Variants in ANTXR1 observed in about 807,000 individuals in gnomAD.
ANTXR1 encodes ANTXR cell adhesion molecule 1, also known as anthrax toxin receptor 1.
ANTXR1 carries 19 observed loss-of-function variants against 78.1 expected under a neutral mutation model. The observed-to-expected ratio is 0.24, with a 90% confidence interval of 0.17 to 0.36. The LOEUF (loss-of-function observed/expected upper bound fraction) is 0.36. Among genes scored for constraint, ANTXR1 ranks in the 10% least tolerant of loss-of-function variants. The pLI, the probability that ANTXR1 is intolerant of heterozygous loss-of-function variation, is 1.00. For missense variants in ANTXR1, 518 were observed against 718.6 expected (o/e 0.72, Z 3.19); for synonymous variants, 273 against 260.5 (o/e 1.05, Z -0.46).
chr2:69,049,368 T>A (rs941913480), intron 3 of ANTXR1, among the ~76,000 whole-genome samples: 18 of 152,168 alleles, frequency 1.2e-4, no homozygotes, highest in African/African-American at 3.6e-4. Flanking sequence ...TGGAGTGCAG[T>A]GGTGCGAACT....
At chr2:69,198,132 G>T (rs1296832294) in intron 17 of ANTXR1, among the ~76,000 whole-genome samples, 2 of 152,112 alleles carry the variant, frequency 1.3e-5, no homozygotes, top group African/African-American at 4.8e-5. Flanking sequence ...AGAATAAAAG[G>T]TCCAGCTTTC....
At chr2:69,058,168 G>C (rs1670121392) in intron 3 of ANTXR1, among the ~76,000 whole-genome samples, 1 of 152,212 alleles carries the variant, frequency 6.6e-6, no homozygotes, top group South Asian at 2.1e-4. Context: ...AAGTTACCCA[G>C]AAGATTTAGC....
chr2:69,044,508 A>G (rs1291188563), intron 2 of ANTXR1, among the ~76,000 whole-genome samples: 1 of 152,166 alleles, frequency 6.6e-6, no homozygotes, highest in Non-Finnish European at 1.5e-5. Context: ...CTAAGCAATG[A>G]TATCAGGTCA....
intron 13 of ANTXR1, among the ~76,000 whole-genome samples, chr2:69,163,654 T>C (rs538451014): frequency 2.0e-5 from 3 of 152,212 alleles, no homozygotes; most frequent in African/African-American, 4.8e-5. Context: ...GACAGTGCTA[T>C]GTAAAAGGTT....
rs1670182385 is a variant in ANTXR1, at chr2:69,059,838, A to G, written c.297-10809A>G. Among the ~76,000 whole-genome samples the G allele has an allele frequency of 2.0e-5, 3 of 152,208 alleles. 1 individual carries two copies. In the South Asian group the frequency reaches 6.2e-4, roughly 32 times the overall value. On this transcript the variant is annotated intron_variant, in intron 3 of 17. Transcript: ENST00000303714. ...CAATATATCCAAGGTATGCCTGTAG[A>G]TAACCAGGAGTTAAATTGCTAAGTC...
intron 8 of ANTXR1, among the ~76,000 whole-genome samples, chr2:69,089,384 A>G (rs1192526576): frequency 3.3e-5 from 5 of 152,214 alleles, no homozygotes; most frequent in African/African-American, 9.7e-5. Context: ...ATGGGTAAAT[A>G]TTACCTCTTC....
At chr2:69,181,607 A>G (rs1674275435) in intron 14 of ANTXR1, among the ~76,000 whole-genome samples, 179 bp from the exon 15 acceptor site, 1 of 152,196 alleles carries the variant, frequency 6.6e-6, no homozygotes, top group Non-Finnish European at 1.5e-5. Flanking sequence ...CTCTACAGAT[A>G]AGGAAAACAA....
intron 12 of ANTXR1, among the ~76,000 whole-genome samples, chr2:69,149,226 C>G (rs1673321602): frequency 6.6e-6 from 1 of 152,160 alleles, no homozygotes; most frequent in African/African-American, 2.4e-5. Context: ...GCACCTCTCC[C>G]CTTCCTGAGC....
At chr2:69,177,681 T>A (rs530373126) in intron 14 of ANTXR1, among the ~76,000 whole-genome samples, 6 of 152,332 alleles carry the variant, frequency 3.9e-5, no homozygotes, top group South Asian at 4.1e-4. Flanking sequence ...TTATCTCATC[T>A]TCTCGGTTTG....
intron 12 of ANTXR1, among the ~76,000 whole-genome samples, chr2:69,143,449 A>C (rs1364198485): frequency 6.6e-6 from 1 of 152,202 alleles, no homozygotes; most frequent in East Asian, 1.9e-4. Flanking sequence ...GAAAACAGTG[A>C]GTTCAGTGTG....
At chr2:69,232,340 G>GA (rs1386290424) in intron 17 of ANTXR1, among the ~76,000 whole-genome samples, 2 of 151,246 alleles carry the variant, frequency 1.3e-5, no homozygotes, top group Admixed American at 6.6e-5. Flanking sequence ...AAGAAAACCT[G>GA]AAAAAAGAGA....
At chr2:69,140,777 A>G (rs1649595793) in intron 12 of ANTXR1, among the ~76,000 whole-genome samples, 1 of 152,228 alleles carries the variant, frequency 6.6e-6, no homozygotes, top group African/African-American at 2.4e-5. Flanking sequence ...GAATTCAGTT[A>G]TGTTCACTAC....
intron 7 of ANTXR1, 63 bp from the exon 8 acceptor site, chr2:69,077,345 T>C: frequency 1.2e-6 from 2 of 1,600,068 alleles, no homozygotes; most frequent in Non-Finnish European, 1.7e-6. Flanking sequence ...ACGGCTTTCC[T>C]AAATTTTCCA....
intron 1 of ANTXR1, among the ~76,000 whole-genome samples, chr2:69,017,016 G>C (rs1427574512): frequency 6.6e-6 from 1 of 152,214 alleles, no homozygotes; most frequent in African/African-American, 2.4e-5. Context: ...CAGACATTCA[G>C]GTGGATGCCT....
Position 69,247,652 on chromosome 2 carries a change from G to C in ANTXR1, c.*2167G>C, listed in dbSNP as rs988891901. ...TGGACCCCTGAAAACCATTCCATAG[G>C]AGAATGGGTTCCCCAGGCTCACAGT... On this transcript the variant is annotated 3_prime_UTR_variant, in exon 18 of 18. Coordinates refer to ENST00000303714, the MANE Select transcript of ANTXR1 (RefSeq NM_032208.3). 1 of 152,570 alleles carries C rather than the reference G, an allele frequency of 6.6e-6. No individual in the cohort carries two copies. Among genetic ancestry groups the C allele is most frequent in the Non-Finnish European group, 1.5e-5 (1 of 68,038 alleles). The allele number at this position is 152,570 out of a possible 1,614,324, so 9.5% of individuals were successfully genotyped here.
At chr2:69,224,804 T>C (rs1009364043) in intron 17 of ANTXR1, among the ~76,000 whole-genome samples, 2 of 152,312 alleles carry the variant, frequency 1.3e-5, no homozygotes, top group Admixed American at 1.3e-4. Context: ...GTTACAAAAG[T>C]ATTCCTCCTA....
chr2:69,189,422 G>C (rs1356307499), intron 16 of ANTXR1, among the ~76,000 whole-genome samples: 1 of 152,196 alleles, frequency 6.6e-6, no homozygotes, highest in African/African-American at 2.4e-5. Flanking sequence ...AGCACAGAGG[G>C]GTTAGGTAAC....
chr2:69,091,639 C>A (rs200660109), intron 9 of ANTXR1, among the ~76,000 whole-genome samples: 2 of 152,040 alleles, frequency 1.3e-5, no homozygotes, highest in East Asian at 3.9e-4. Flanking sequence ...ATAGGCCATA[C>A]TGGAAATACT....
At chr2:69,073,719 T>C (rs915797264) in intron 6 of ANTXR1, among the ~76,000 whole-genome samples, 9 of 152,250 alleles carry the variant, frequency 5.9e-5, no homozygotes, top group African/African-American at 2.2e-4. Flanking sequence ...AGTTTGCTGA[T>C]GAATTGAAAA....
Sources: gnomAD v4.1 joint callset for allele counts (sites outside exome capture counted in the v4.1 genomes callset) on GRCh38, gnomAD v4.1.1 for gene constraint, MANE v1.5 for transcripts, NCBI Gene and HGNC (gene_info 2026-07-23, HGNC 2026-07-21) for gene names.